ADGRL2: variants seen among roughly 807,000 people sequenced by gnomAD.
ADGRL2 encodes the protein calcium-independent alpha-latrotoxin receptor 2.
ADGRL2 carries 44 observed loss-of-function variants against 157.4 expected under a neutral mutation model. That is an observed-to-expected ratio of 0.28 (90% CI 0.22 to 0.36). The LOEUF (loss-of-function observed/expected upper bound fraction) is 0.36. Ranked by LOEUF, ADGRL2 falls within the 10% of genes least tolerant of loss-of-function variation. The pLI, the probability that ADGRL2 is intolerant of heterozygous loss-of-function variation, is 1.00. For missense variants in ADGRL2, 1,510 were observed against 1,768.9 expected (o/e 0.85, Z 2.63); for synonymous variants, 585 against 624.7 (o/e 0.94, Z 0.95).
chr1:81,762,610 C>T (rs916173715), intron 2 of ADGRL2, among the ~76,000 whole-genome samples: 1 of 151,864 alleles, frequency 6.6e-6, no homozygotes, highest in Non-Finnish European at 1.5e-5. Flanking sequence ...GAAGGAATTT[C>T]TCATTGTAGA....
At chr1:81,799,889 A>T (rs201813477), upstream of ADGRL2, among the ~76,000 whole-genome samples, 1 of 48 alleles carries the variant, frequency 0.021, no homozygotes, top group Non-Finnish European at 0.25. Flanking sequence ...ATTTTGCAAT[A>T]AAAAAAAAAT....
At chr1:81,562,227 G>T (rs190124238) in intron 2 of ADGRL2, among the ~76,000 whole-genome samples, 1 of 152,244 alleles carries the variant, frequency 6.6e-6, no homozygotes, top group East Asian at 1.9e-4. Flanking sequence ...GAAGAAAGTG[G>T]ATAGTTAAAA....
intron 17 of ADGRL2, among the ~76,000 whole-genome samples, chr1:81,976,303 AATG>A (rs1660173200): frequency 1.3e-5 from 2 of 152,006 alleles, no homozygotes; most frequent in South Asian, 2.1e-4. Context: ...TTAGTCTTGA[AATG>A]ATGATATTTT....
At chr1:81,327,507 A>G (rs894589929) in intron 1 of ADGRL2, among the ~76,000 whole-genome samples, 12 of 152,310 alleles carry the variant, frequency 7.9e-5, no homozygotes, top group African/African-American at 2.9e-4. Flanking sequence ...AATGCTCCAT[A>G]TAATTACAGT....
chr1:81,942,227 G>C (rs1356729682), intron 5 of ADGRL2, among the ~76,000 whole-genome samples, 182 bp downstream of exon 5: 1 of 151,754 alleles, frequency 6.6e-6, no homozygotes, highest in Non-Finnish European at 1.5e-5. Context: ...CCTGGTGATG[G>C]GGTAAAAATT....
chr1:81,923,195 A>G (rs2095028939), intron 3 of ADGRL2, among the ~76,000 whole-genome samples: 1 of 152,194 alleles, frequency 6.6e-6, no homozygotes, highest in African/African-American at 2.4e-5. Flanking sequence ...ATCAAATGTA[A>G]TGCCTTATTA....
chr1:81,468,995 C>G (rs1460553504), intron 2 of ADGRL2, among the ~76,000 whole-genome samples: 1 of 152,116 alleles, frequency 6.6e-6, no homozygotes, highest in South Asian at 2.1e-4. Context: ...ACCGCACTTC[C>G]CACATCACGA....
chr1:81,496,927 C>T (rs986333251), intron 2 of ADGRL2, among the ~76,000 whole-genome samples: 20 of 152,100 alleles, frequency 1.3e-4, no homozygotes, highest in African/African-American at 4.6e-4. Flanking sequence ...TGGCTTTGTC[C>T]TCCCCTTTCT....
intron 1 of ADGRL2, among the ~76,000 whole-genome samples, chr1:81,803,698 C>G (rs1336990366): frequency 2.0e-5 from 3 of 152,102 alleles, no homozygotes; most frequent in Admixed American, 6.5e-5. Context: ...TGAGCTGCAG[C>G]TACCAACCAT....
intron 3 of ADGRL2, among the ~76,000 whole-genome samples, chr1:81,917,483 C>T (rs1482699407): frequency 6.6e-6 from 1 of 151,744 alleles, no homozygotes; most frequent in Non-Finnish European, 1.5e-5. Context: ...TAATACATCT[C>T]TTGTGGATGT....
At chr1:81,780,027 T>C (rs1471081363) in intron 2 of ADGRL2, among the ~76,000 whole-genome samples, 1 of 152,220 alleles carries the variant, frequency 6.6e-6, no homozygotes, top group African/African-American at 2.4e-5. Context: ...AAGCATCGTA[T>C]CTTTCCTTCT....
At chr1:81,401,677 G>A (rs1386285546) in intron 1 of ADGRL2, among the ~76,000 whole-genome samples, 1 of 152,174 alleles carries the variant, frequency 6.6e-6, no homozygotes, top group Non-Finnish European at 1.5e-5. Context: ...TGATTTCCAA[G>A]AAATTTTTTT....
chr1:81,962,213 G>A (rs998985521), intron 11 of ADGRL2, among the ~76,000 whole-genome samples: 13 of 152,086 alleles, frequency 8.5e-5, no homozygotes, highest in African/African-American at 2.9e-4. Context: ...CATAACTGTT[G>A]TCAATCTAAT....
intron 1 of ADGRL2, among the ~76,000 whole-genome samples, chr1:81,746,034 TATAAC>T (rs1018571569): frequency 7.3e-6 from 1 of 136,996 alleles, no homozygotes; most frequent in Non-Finnish European, 1.6e-5. Flanking sequence ...ATAAATAAAA[TATAAC>T]ATAATGCATG....
chr1:81,968,182 G>A lies in ADGRL2; in HGVS notation c.2506G>A (p.Ala836Thr). 1.2e-6 allele frequency: 2 copies of A among 1,611,160 alleles called. No individual in the cohort carries two copies. Among genetic ancestry groups the A allele is most frequent in the Non-Finnish European group, 1.7e-6 (2 of 1,179,276 alleles). ...SHLTNFAILM[A>T]HREIAYKDGV... is the part of the protein sequence containing the mutation. The stretch of plus-strand genomic sequence containing the variant: ...CCTAACCAATTTTGCAATTCTCATG[G>A]CCCACAGGGAAATTGCAGTAAGTAT... The change falls in exon 14 of 24, where the codon GCC (alanine) becomes ACC (threonine). Residue 836 changes from alanine (A) to threonine (T), a missense_variant. This residue lies in a region of ADGRL2 where 497 missense variants were observed against 627.2 expected (regional missense o/e 0.79). Coordinates refer to ENST00000686636, the MANE Select transcript of ADGRL2 (RefSeq NM_001366006.2).
At chr1:81,779,424 A>G (rs868260343) in intron 2 of ADGRL2, among the ~76,000 whole-genome samples, 1 of 152,176 alleles carries the variant, frequency 6.6e-6, no homozygotes, top group African/African-American at 2.4e-5. Context: ...TTATGTCTTC[A>G]ACTTAAAAAA....
intron 3 of ADGRL2, among the ~76,000 whole-genome samples, chr1:81,626,113 ACT>A (rs1037618857): frequency 2.0e-4 from 31 of 151,864 alleles, no homozygotes; most frequent in African/African-American, 7.0e-4. Context: ...GGGCTTCAAC[ACT>A]CTGTCACAAA....
At chr1:81,571,364 T>A (rs1239723444) in intron 2 of ADGRL2, among the ~76,000 whole-genome samples, 1 of 146,968 alleles carries the variant, frequency 6.8e-6, no homozygotes, top group Admixed American at 6.9e-5. Flanking sequence ...ATATATATAA[T>A]ATATATTTGT....
intron 3 of ADGRL2, among the ~76,000 whole-genome samples, chr1:81,655,081 G>T (rs149850477): frequency 0.018 from 2,716 of 152,280 alleles, 80 homozygotes; most frequent in African/African-American, 0.062. Flanking sequence ...GGTCCTAAGA[G>T]CCAGGGGGGC....
Sources: allele counts gnomAD v4.1 joint callset (sites outside exome capture counted in the v4.1 genomes callset), GRCh38; gene constraint gnomAD v4.1.1; regional missense constraint gnomAD v4.1.1; transcripts MANE v1.5; gene names NCBI Gene and HGNC (gene_info 2026-07-23, HGNC 2026-07-21).